The following DIP2C variants were observed in gnomAD, a reference collection of about 807,000 sequenced individuals.
DIP2C encodes the protein DIP2 acetate--CoA ligase C (putative).
Under a neutral mutation model 192.4 loss-of-function variants are expected in DIP2C, and 33 were observed. That is an observed-to-expected ratio of 0.17 (90% CI 0.13 to 0.23). The LOEUF (loss-of-function observed/expected upper bound fraction) is 0.23, where lower values mean the gene tolerates loss of function less well. DIP2C is among the 10% of genes least tolerant of loss of function. DIP2C has a pLI of 1.00. For synonymous variants in DIP2C, 979 were observed against 864.1 expected, an observed-to-expected ratio of 1.13 and a Z score of -2.33; for missense variants, 1,537 against 2,110.1, an observed-to-expected ratio of 0.73 and a Z score of 5.32.
chr10:552,196 A>G (rs895184508), intron 1 of DIP2C, among the ~76,000 whole-genome samples: 1 of 152,246 alleles, frequency 6.6e-6, no homozygotes, highest in African/African-American at 2.4e-5. Context: ...TTTACTATCC[A>G]TACTTTCTAC....
At chr10:528,367 C>T (rs61831024) in intron 1 of DIP2C, among the ~76,000 whole-genome samples, 3 of 91,538 alleles carry the variant, frequency 3.3e-5, no homozygotes, top group Admixed American at 9.3e-5. Context: ...CCACCCAGAA[C>T]GCAGACCGCC....
chr10:661,406 C>T (rs1177186771), intron 1 of DIP2C, among the ~76,000 whole-genome samples: 1 of 152,186 alleles, frequency 6.6e-6, no homozygotes, highest in Non-Finnish European at 1.5e-5. Flanking sequence ...AGGCTCCAGG[C>T]CTCGAAGGAC....
At chr10:350,403 A>G (rs1032450600) in intron 24 of DIP2C, among the ~76,000 whole-genome samples, 1 of 152,176 alleles carries the variant, frequency 6.6e-6, no homozygotes, top group East Asian at 1.9e-4. Context: ...AACTAACCGA[A>G]ACAAGCTTTT....
At chr10:537,518 C>G (rs754901040) in intron 1 of DIP2C, among the ~76,000 whole-genome samples, 4 of 152,180 alleles carry the variant, frequency 2.6e-5, no homozygotes, top group Non-Finnish European at 4.4e-5. Flanking sequence ...GCTCCAGCAT[C>G]TGCCCCCCAC....
chr10:625,775 C>G (rs1020190834), intron 1 of DIP2C, among the ~76,000 whole-genome samples: 3 of 152,174 alleles, frequency 2.0e-5, no homozygotes, highest in Non-Finnish European at 2.9e-5. Context: ...GGAGCCACTG[C>G]CTAAGACACA....
rs143129001 is a variant in DIP2C at position 481,412 on chromosome 10, G to A, written c.157+5047C>T. On this transcript the variant is annotated intron_variant, in intron 2 of 36. Coordinates refer to ENST00000280886, the MANE Select transcript of DIP2C (RefSeq NM_014974.3). ...CCTCAGAGGAAGCCCTCTCCGTGGC[G>A]ACAGGGCAAGGCAGCCACTGCAAGC... Among the ~76,000 whole-genome samples the A allele has an allele frequency of 4.1e-4, 62 of 152,282 alleles. 1 individual carries two copies. The East Asian group carries it at 8.9e-3, about 22-fold the overall frequency.
intron 1 of DIP2C, among the ~76,000 whole-genome samples, chr10:542,829 G>A (rs1324888085): frequency 7.1e-6 from 1 of 140,968 alleles, no homozygotes; most frequent in Non-Finnish European, 1.5e-5. Context: ...GGGGGGTTCT[G>A]ACCCTCCCCC....
intron 31 of DIP2C, among the ~76,000 whole-genome samples, chr10:318,550 C>T (rs2132374475): frequency 6.6e-6 from 1 of 152,330 alleles, no homozygotes; most frequent in South Asian, 2.1e-4. Flanking sequence ...CAACGCTGGT[C>T]CTACTCCCTT....
intron 1 of DIP2C, among the ~76,000 whole-genome samples, chr10:606,680 T>TA (rs1852510232): frequency 6.6e-6 from 1 of 152,194 alleles, no homozygotes; most frequent in African/African-American, 2.4e-5. Flanking sequence ...GAATTCTCAT[T>TA]AGGAAAGGGA....
At chr10:328,580 GCTAA>G (rs1287108312) in intron 30 of DIP2C, among the ~76,000 whole-genome samples, 8 of 109,820 alleles carry the variant, frequency 7.3e-5, no homozygotes, top group Admixed American at 2.2e-4. Context: ...CATGAATAGT[GCTAA>G]CTTTTTCCTA....
In DIP2C at chr10:384,533, C is replaced by T. The variant is rs190701414; in HGVS notation, c.1756+13G>A. On this transcript the variant is annotated intron_variant, in intron 15 of 36. Transcript: ENST00000280886. The stretch of plus-strand genomic sequence containing the variant: ...GATTACAGGTGTGAGCCACTGCGCC[C>T]GGCGAGACCCACCTTTGTACTGGCA... 133 of 1,613,072 alleles carry T rather than the reference C, an allele frequency of 8.2e-5. No homozygotes were observed. The African/African-American group carries it at 1.1e-3, about 13-fold the overall frequency.
In DIP2C at chr10:275,265, G is replaced by C. The variant is rs1415534390; in HGVS notation, c.*2060C>G. On this transcript the variant is annotated 3_prime_UTR_variant, in exon 37 of 37. Coordinates refer to ENST00000280886, the MANE Select transcript of DIP2C (RefSeq NM_014974.3). ...CCAAACCTACCTCCCTTTCAACAAG[G>C]TGGGTGGGTGTAGGAAAATGTCTTT... The C allele has an allele frequency of 6.6e-6, 1 of 152,230 alleles. No homozygotes were observed. The highest frequency in any genetic ancestry group is 1.5e-5 in the Non-Finnish European group (1 of 68,058). 9.4% of individuals were successfully genotyped at this position (152,230 alleles called of 1,614,324 possible). A position where few individuals can be genotyped will look rare whatever the true frequency, so the allele number is the denominator to read the frequency against.
intron 8 of DIP2C, among the ~76,000 whole-genome samples, chr10:411,634 T>C (rs1205513391): frequency 6.6e-6 from 1 of 152,194 alleles, no homozygotes; most frequent in Non-Finnish European, 1.5e-5. Context: ...TACTCAGTAT[T>C]AGAACAATTC....
intron 24 of DIP2C, among the ~76,000 whole-genome samples, chr10:350,888 C>T (rs547858707): frequency 5.7e-4 from 86 of 152,188 alleles, no homozygotes; most frequent in African/African-American, 1.7e-3. Flanking sequence ...CCTCATGATC[C>T]GCCCGCCTTG....
chr10:576,383 G>A (rs1390894837), intron 1 of DIP2C, among the ~76,000 whole-genome samples: 1 of 152,204 alleles, frequency 6.6e-6, no homozygotes. Context: ...CAGGGTACAG[G>A]AGTCAGACAG....
rs1960234213 is a variant in DIP2C at position 366,538 on chromosome 10, G to T, written c.2132-127C>A. 5 of 1,307,960 alleles carry T rather than the reference G, an allele frequency of 3.8e-6. No individual in the cohort carries two copies. The Admixed American group carries it at 8.5e-5, about 22-fold the overall frequency. The allele number at this position is 1,307,960 out of a possible 1,614,324, so 81.0% of individuals were successfully genotyped here. A position where few individuals can be genotyped will look rare whatever the true frequency, so the allele number is the denominator to read the frequency against. On this transcript the variant is annotated intron_variant, in intron 18 of 36. Transcript: ENST00000280886. ...ATGGGGTCTGGAGCAAAACTGCACG[G>T]ATGGTAGTCAGCCAGGCACTCATTT...
intron 31 of DIP2C, chr10:324,812 G>A (rs992705087): frequency 1.4e-5 from 6 of 437,034 alleles, no homozygotes; most frequent in African/African-American, 1.2e-4. Flanking sequence ...TAAGGACGGT[G>A]GCACGCTTCA....
chr10:665,408 AG>A (rs1687057313), intron 1 of DIP2C: 1 of 152,226 alleles, frequency 6.6e-6, no homozygotes, highest in Non-Finnish European at 1.5e-5. Context: ...TGTAATCTAA[AG>A]AAAAAGTTTT....
chr10:617,598 T>C (rs996490260), intron 1 of DIP2C, among the ~76,000 whole-genome samples: 1 of 152,064 alleles, frequency 6.6e-6, no homozygotes, highest in Non-Finnish European at 1.5e-5. Context: ...CGCAGTGACC[T>C]GCCACGTAGC....
Sources: allele counts gnomAD v4.1 joint callset (sites outside exome capture counted in the v4.1 genomes callset), GRCh38; gene constraint gnomAD v4.1.1; transcripts MANE v1.5; gene names NCBI Gene and HGNC (gene_info 2026-07-23, HGNC 2026-07-21).